The following VPS54 variants were observed in gnomAD, a reference collection of about 807,000 sequenced individuals.
VPS54 encodes vacuolar protein sorting-associated protein 54.
A neutral mutation model predicts 121.5 loss-of-function variants in VPS54; 45 were observed. The observed-to-expected ratio is 0.37, with a 90% confidence interval of 0.29 to 0.47. The LOEUF (loss-of-function observed/expected upper bound fraction) is 0.47, where lower values mean the gene tolerates loss of function less well. Ranked by LOEUF, VPS54 falls within the 20% of genes least tolerant of loss-of-function variation. VPS54 has a pLI of 0.99. For missense variants in VPS54, 1,090 were observed against 1,131.4 expected, an observed-to-expected ratio of 0.96 and a Z score of 0.52; for synonymous variants, 371 against 385.8, an observed-to-expected ratio of 0.96 and a Z score of 0.45.
intron 12 of VPS54, among the ~76,000 whole-genome samples, chr2:63,923,669 G>A (rs1200795601): frequency 6.6e-6 from 1 of 152,156 alleles, no homozygotes; most frequent in Non-Finnish European, 1.5e-5. Flanking sequence ...GAAACTTGAG[G>A]ACATTATGCT....
intron 22 of VPS54, among the ~76,000 whole-genome samples, chr2:63,896,992 A>G (rs532930950): frequency 7.9e-5 from 12 of 152,300 alleles, no homozygotes; most frequent in African/African-American, 2.9e-4. Context: ...TTCAGATTCT[A>G]AGTCCTACCC....
chr2:63,900,786 CAG>C (rs1449957489), intron 20 of VPS54, among the ~76,000 whole-genome samples: 2 of 152,026 alleles, frequency 1.3e-5, no homozygotes, highest in African/African-American at 4.8e-5. Flanking sequence ...TTTTTTGAGA[CAG>C]AGTCTCACTC....
At chr2:63,900,302 G>GT (rs1263103008) in intron 20 of VPS54, among the ~76,000 whole-genome samples, 2 of 149,256 alleles carry the variant, frequency 1.3e-5, no homozygotes, top group Admixed American at 6.7e-5. Flanking sequence ...GAATAAATAT[G>GT]TTTTTTATTT....
intron 20 of VPS54, among the ~76,000 whole-genome samples, chr2:63,900,752 G>GTT (rs70965150): frequency 5.9e-5 from 9 of 151,484 alleles, no homozygotes; most frequent in Admixed American, 2.6e-4. Flanking sequence ...CTCAAATCTG[G>GTT]TTTTTTTTGT....
intron 1 of VPS54, among the ~76,000 whole-genome samples, chr2:64,001,682 A>C (rs1034870409): frequency 6.6e-6 from 1 of 151,996 alleles, no homozygotes; most frequent in African/African-American, 2.4e-5. Flanking sequence ...AGGGCTTAGA[A>C]TGGGGGCCTG....
At chr2:63,956,974 T>C (rs1675523514) in intron 7 of VPS54, among the ~76,000 whole-genome samples, 1 of 152,150 alleles carries the variant, frequency 6.6e-6, no homozygotes, top group African/African-American at 2.4e-5. Flanking sequence ...AACATTCGAA[T>C]GCATTCTTGG....
chr2:63,980,820 T>C (rs975598474), intron 3 of VPS54, among the ~76,000 whole-genome samples: 10 of 152,058 alleles, frequency 6.6e-5, no homozygotes, highest in African/African-American at 1.9e-4. Context: ...GATCTGATCA[T>C]TGAAAACAGT....
At chr2:63,920,080 G>A in intron 14 of VPS54, 85 bp from the exon 15 acceptor site, 1 of 1,143,630 alleles carries the variant, frequency 8.7e-7, no homozygotes, top group Admixed American at 2.6e-5. Flanking sequence ...AAGAAGAGCT[G>A]AGTGAGAACA....
chr2:64,003,691 G>A (rs1304920270), intron 1 of VPS54, among the ~76,000 whole-genome samples: 1 of 151,552 alleles, frequency 6.6e-6, no homozygotes, highest in Non-Finnish European at 1.5e-5. Context: ...GGCTAATAAG[G>A]AAAAGAAAAA....
At chr2:63,923,188 C>T (rs914412986) in intron 12 of VPS54, among the ~76,000 whole-genome samples, 3 of 151,198 alleles carry the variant, frequency 2.0e-5, no homozygotes, top group African/African-American at 2.4e-5. Flanking sequence ...TGGTGGCAGG[C>T]GCCTGTAGTC....
chr2:63,893,609 C>G, intron 22 of VPS54, 74 bp from the exon 23 acceptor site: 2 of 1,276,414 alleles, frequency 1.6e-6, no homozygotes, highest in South Asian at 1.4e-5. Context: ...CAGTGCTCAC[C>G]GAGTCAGAGT....
At chr2:63,953,110 C>A (rs927217496) in intron 7 of VPS54, among the ~76,000 whole-genome samples, 1 of 150,888 alleles carries the variant, frequency 6.6e-6, no homozygotes, top group African/African-American at 2.4e-5. Flanking sequence ...ACACACACAA[C>A]CCCATGAAAT....
At chr2:63,897,361 A>C in intron 22 of VPS54, 135 bp downstream of exon 22, 2 of 615,026 alleles carry the variant, frequency 3.3e-6, no homozygotes, top group South Asian at 2.1e-5. Flanking sequence ...GGAAAAAAAA[A>C]ACACAAAAGC....
At chr2:63,949,250 T>C in intron 7 of VPS54, 87 bp from the exon 8 acceptor site, 1 of 1,373,520 alleles carries the variant, frequency 7.3e-7, no homozygotes, top group Non-Finnish European at 9.8e-7. Context: ...AGGTAAAACT[T>C]TTTCAGTTGA....
At chr2:63,960,499 G>A (rs1456920322) in intron 7 of VPS54, among the ~76,000 whole-genome samples, 2 of 152,120 alleles carry the variant, frequency 1.3e-5, no homozygotes, top group African/African-American at 4.8e-5. Flanking sequence ...GAAAGTAAAA[G>A]TAAACTGCAT....
chr2:63,965,721 G>A (rs913511908), intron 6 of VPS54, 114 bp downstream of exon 6: 3 of 1,443,130 alleles, frequency 2.1e-6, no homozygotes, highest in East Asian at 2.4e-5. Context: ...TTATCAGTAA[G>A]AACAAAAATG....
chr2:63,952,708 C>T (rs898986038), intron 7 of VPS54, among the ~76,000 whole-genome samples: 7 of 152,054 alleles, frequency 4.6e-5, no homozygotes, highest in South Asian at 2.1e-4. Flanking sequence ...AGACTAAAAA[C>T]GTTCTCATAA....
chr2:63,962,018 T>C (rs762495300), intron 7 of VPS54, 40 bp downstream of exon 7: 9 of 1,482,332 alleles, frequency 6.1e-6, no homozygotes, highest in South Asian at 1.5e-5. Context: ...CCTTTAAAAA[T>C]TTCTAACATT....
At chr2:64,009,680 G>A (rs139398539) in intron 1 of VPS54, among the ~76,000 whole-genome samples, 162 of 152,104 alleles carry the variant, frequency 1.1e-3, no homozygotes, top group African/African-American at 3.6e-3. Context: ...CACCTGTAAC[G>A]TGGGATAAAT....
Sources: gnomAD v4.1 joint callset for allele counts (sites outside exome capture counted in the v4.1 genomes callset) on GRCh38, gnomAD v4.1.1 for gene constraint, MANE v1.5 for transcripts, NCBI Gene and HGNC (gene_info 2026-07-23, HGNC 2026-07-21) for gene names.